Variants in RAB38 observed in about 807,000 individuals in gnomAD.
RAB38 encodes RAB38, member RAS oncogene family, also known as ras-related protein Rab-38.
A neutral mutation model predicts 18.4 loss-of-function variants in RAB38; 15 were observed. That is an observed-to-expected ratio of 0.82 (90% CI 0.55 to 1.26). RAB38 has a LOEUF of 1.26. Ranked by LOEUF, RAB38 falls within the 50% of genes most tolerant of loss-of-function variation. The pLI is 0.00. For synonymous variants in RAB38, 101 were observed against 104.4 expected (o/e 0.97, Z 0.20); for missense variants, 294 against 267.4 (o/e 1.10, Z -0.69).
chr11:87,819,461 ATT>A, the RAB38 span, among the ~76,000 whole-genome samples: 1 of 151,836 alleles, frequency 6.6e-6, no homozygotes, highest in Non-Finnish European at 1.5e-5. Flanking sequence ...ATTTTTTTTT[ATT>A]GTTTTTTGTT....
chr11:88,005,202 A>G, the RAB38 span, among the ~76,000 whole-genome samples: 3 of 151,414 alleles, frequency 2.0e-5, no homozygotes, highest in Admixed American at 6.6e-5. Flanking sequence ...AAATAGGAAT[A>G]AACTCAGAGA....
chr11:88,152,712 GGGC>G (rs1943078522), intron 1 of RAB38, among the ~76,000 whole-genome samples: 13 of 152,068 alleles, frequency 8.5e-5, no homozygotes, highest in Admixed American at 3.3e-4. Flanking sequence ...GCCTACTTTT[GGGC>G]AAAGTAGAGA....
the RAB38 span, among the ~76,000 whole-genome samples, chr11:87,914,398 C>A: frequency 7.2e-3 from 1,090 of 152,126 alleles, 11 homozygotes; most frequent in African/African-American, 0.025. Flanking sequence ...CTGTGGAGGA[C>A]TGAACTTAAG....
At chr11:87,891,254 A>G in the RAB38 span, among the ~76,000 whole-genome samples, 1 of 151,908 alleles carries the variant, frequency 6.6e-6, no homozygotes, top group Non-Finnish European at 1.5e-5. Context: ...GACATCGAAC[A>G]GACACCCTAA....
chr11:87,830,480 CA>C, the RAB38 span, among the ~76,000 whole-genome samples: 54 of 133,036 alleles, frequency 4.1e-4, no homozygotes, highest in African/African-American at 4.7e-4. Context: ...GGCACTGTCT[CA>C]AAAAAAAAAA....
the RAB38 span, among the ~76,000 whole-genome samples, chr11:87,895,374 C>T: frequency 5.5e-4 from 83 of 151,618 alleles, no homozygotes; most frequent in African/African-American, 1.9e-3. Flanking sequence ...ATCCTTGTGT[C>T]GGGTACTGAG....
the RAB38 span, among the ~76,000 whole-genome samples, chr11:88,004,599 C>G: frequency 1.3e-5 from 2 of 151,096 alleles, no homozygotes; most frequent in African/African-American, 4.8e-5. Flanking sequence ...CTCACTCCTT[C>G]CAGAAAACAT....
At chr11:88,076,875 C>T in the RAB38 span, among the ~76,000 whole-genome samples, 458 of 146,962 alleles carry the variant, frequency 3.1e-3, 5 homozygotes, top group African/African-American at 0.011. Context: ...AGGAAAATCA[C>T]TTGAACCTGG....
chr11:87,874,355 C>T, the RAB38 span, among the ~76,000 whole-genome samples: 1 of 151,078 alleles, frequency 6.6e-6, no homozygotes. Context: ...TGATAATACC[C>T]CAAATATATA....
chr11:88,110,153 T>C (rs946292009), downstream of RAB38, among the ~76,000 whole-genome samples: 1 of 152,014 alleles, frequency 6.6e-6, no homozygotes, highest in Non-Finnish European at 1.5e-5. Context: ...ATAAAGAAAA[T>C]GTGGCACATA....
chr11:88,030,579 C>A, the RAB38 span, among the ~76,000 whole-genome samples: 2 of 152,220 alleles, frequency 1.3e-5, no homozygotes, highest in East Asian at 1.9e-4. Flanking sequence ...TACAAACTAC[C>A]ATCAGAGAAT....
chr11:87,948,194 T>A, the RAB38 span, among the ~76,000 whole-genome samples: 1 of 152,194 alleles, frequency 6.6e-6, no homozygotes, highest in Non-Finnish European at 1.5e-5. Flanking sequence ...TGGCTCTCTG[T>A]TTGTCTGTTA....
the RAB38 span, among the ~76,000 whole-genome samples, chr11:88,039,024 G>C: frequency 2.0e-5 from 3 of 152,236 alleles, no homozygotes; most frequent in Middle Eastern, 3.4e-3. Context: ...AAATAATGAG[G>C]AATCAAAGAA....
the RAB38 span, chr11:87,816,181 G>T: frequency 6.6e-6 from 1 of 152,350 alleles, no homozygotes; most frequent in African/African-American, 2.4e-5. Flanking sequence ...TACAATGATG[G>T]TTTTTCATAC....
At chr11:88,127,512 A>G (rs1380577042) in intron 2 of RAB38, among the ~76,000 whole-genome samples, 1 of 152,178 alleles carries the variant, frequency 6.6e-6, no homozygotes, top group Non-Finnish European at 1.5e-5. Flanking sequence ...GGAGTGGTTA[A>G]GAGTAGAGGG....
At chr11:88,027,580 T>G in the RAB38 span, among the ~76,000 whole-genome samples, 2 of 152,238 alleles carry the variant, frequency 1.3e-5, no homozygotes, top group African/African-American at 4.8e-5. Context: ...ATCCCGCAAC[T>G]GGCTGGGAGG....
the RAB38 span, among the ~76,000 whole-genome samples, chr11:87,974,677 A>ATT: frequency 6.6e-6 from 1 of 150,986 alleles, no homozygotes; most frequent in African/African-American, 2.4e-5. Context: ...TCATAGTAGG[A>ATT]TTTTTTTTTA....
the RAB38 span, among the ~76,000 whole-genome samples, chr11:88,008,525 G>T: frequency 6.6e-6 from 1 of 152,126 alleles, no homozygotes; most frequent in African/African-American, 2.4e-5. Context: ...CAATCTGTAT[G>T]AAGAAGCCTC....
chr11:87,844,974 T>C, the RAB38 span, among the ~76,000 whole-genome samples: 3 of 152,338 alleles, frequency 2.0e-5, no homozygotes, highest in South Asian at 4.1e-4. Flanking sequence ...GAATTACCTG[T>C]ATATATCTCA....
Sources: gnomAD v4.1 joint callset for allele counts (sites outside exome capture counted in the v4.1 genomes callset) on GRCh38, gnomAD v4.1.1 for gene constraint, MANE v1.5 for transcripts, NCBI Gene and HGNC (gene_info 2026-07-23, HGNC 2026-07-21) for gene names.